The following PRKN variants were observed in gnomAD, a reference collection of about 807,000 sequenced individuals.
PRKN encodes the protein parkin RBR E3 ubiquitin protein ligase, also known as E3 ubiquitin-protein ligase parkin.
In PRKN, 56 loss-of-function variants were observed where a neutral mutation model predicts 59.5. That is an observed-to-expected ratio of 0.94 (90% CI 0.76 to 1.18). PRKN has a LOEUF of 1.18. Ranked by LOEUF, PRKN falls within the 50% of genes most tolerant of loss-of-function variation. The pLI, the probability that PRKN is intolerant of heterozygous loss-of-function variation, is 0.00. For missense variants in PRKN, 657 were observed against 596.4 expected, an observed-to-expected ratio of 1.10 and a Z score of -1.06; for synonymous variants, 250 against 222.1, an observed-to-expected ratio of 1.13 and a Z score of -1.12.
chr6:162,539,142 G>C (rs1040400470), intron 1 of PRKN, among the ~76,000 whole-genome samples: 1 of 152,136 alleles, frequency 6.6e-6, no homozygotes, highest in Non-Finnish European at 1.5e-5. Flanking sequence ...GCTTTGGCTA[G>C]AGCTGTAAAA....
At chr6:162,388,164 C>T (rs1366323825) in intron 2 of PRKN, among the ~76,000 whole-genome samples, 1 of 152,094 alleles carries the variant, frequency 6.6e-6, no homozygotes, top group African/African-American at 2.4e-5. Context: ...ACTGCAGTGG[C>T]AATGGACCAG....
At chr6:162,206,094 C>A (rs537227947) in intron 3 of PRKN, among the ~76,000 whole-genome samples, 1 of 152,050 alleles carries the variant, frequency 6.6e-6, no homozygotes, top group Admixed American at 6.6e-5. Flanking sequence ...GGGGGACTTC[C>A]GTAGTGCTAG....
rs182480540 is a variant in PRKN, at chr6:162,257,051, G to C, written c.412+5474C>G. On this transcript the variant is annotated intron_variant, in intron 3 of 11. Transcript: ENST00000366898. ...GCACGAACAAAAGCACAAGGTAGAC[G>C]GGGCCAGCCTCAGCCTGTGCTGCCC... Among the ~76,000 whole-genome samples, 22 of 152,294 alleles carry C rather than the reference G, an allele frequency of 1.4e-4. 1 individual carries two copies. The highest frequency in any genetic ancestry group is 3.9e-4 in the Admixed American group (6 of 15,292).
intron 6 of PRKN, among the ~76,000 whole-genome samples, chr6:161,939,980 C>T (rs546006631): frequency 9.9e-5 from 15 of 151,828 alleles, no homozygotes; most frequent in Admixed American, 7.9e-4. Context: ...CTCACCGCAA[C>T]CTCTGTCTCC....
chr6:162,668,955 G>C (rs1016336665), intron 1 of PRKN, among the ~76,000 whole-genome samples: 67 of 152,088 alleles, frequency 4.4e-4, no homozygotes, highest in African/African-American at 1.6e-3. Context: ...TACAATCATG[G>C]TTTCCTTCCC....
chr6:162,550,589 C>T (rs73025314), intron 1 of PRKN, among the ~76,000 whole-genome samples: 226 of 152,270 alleles, frequency 1.5e-3, no homozygotes, highest in Non-Finnish European at 2.4e-3. Flanking sequence ...TCTACAGCTA[C>T]TTGGTAAAGT....
intron 2 of PRKN, among the ~76,000 whole-genome samples, chr6:162,325,828 A>C (rs1196113525): frequency 6.6e-6 from 1 of 152,202 alleles, no homozygotes; most frequent in Non-Finnish European, 1.5e-5. Context: ...TTCTTTAGGT[A>C]AAGAGTCATA....
intron 1 of PRKN, among the ~76,000 whole-genome samples, chr6:162,589,071 A>G (rs997620275): frequency 6.6e-6 from 1 of 152,062 alleles, no homozygotes; most frequent in African/African-American, 2.4e-5. Context: ...ATGGCTCATC[A>G]ATCTTGTACT....
At chr6:162,336,176 C>T (rs73026885) in intron 2 of PRKN, among the ~76,000 whole-genome samples, 1 of 152,182 alleles carries the variant, frequency 6.6e-6, no homozygotes. Context: ...TTCCACTTAT[C>T]TAATCAGGTG....
At chr6:161,792,341 C>T (rs537796667) in intron 6 of PRKN, among the ~76,000 whole-genome samples, 1 of 152,270 alleles carries the variant, frequency 6.6e-6, no homozygotes, top group South Asian at 2.1e-4. Flanking sequence ...AATGTAGGGG[C>T]ATTTGAAAAA....
intron 1 of PRKN, among the ~76,000 whole-genome samples, chr6:162,628,052 A>C (rs1346146950): frequency 6.6e-6 from 1 of 152,114 alleles, no homozygotes; most frequent in Non-Finnish European, 1.5e-5. Context: ...ATACATAAGG[A>C]CTATAACAGT....
Position 162,041,655 on chromosome 6 carries a change from A to G in PRKN, c.618+12436T>C, listed in dbSNP as rs79004823. Among the ~76,000 whole-genome samples the G allele has an allele frequency of 2.9e-3, 437 of 152,280 alleles. 1 individual carries two copies. Among genetic ancestry groups the G allele is most frequent in the African/African-American group, 0.01 (422 of 41,564 alleles). On this transcript the variant is annotated intron_variant, in intron 5 of 11. Transcript: ENST00000366898. ...AGGTACTCCAGTTGTGATCACTGGGAAGAAAATGCGGTGAAATCAGACTAA... is the reference window on the plus strand; with the variant it reads ...AGGTACTCCAGTTGTGATCACTGGGGAGAAAATGCGGTGAAATCAGACTAA...
At chr6:161,465,674 G>A (rs575007466) in intron 9 of PRKN, among the ~76,000 whole-genome samples, 130 of 152,194 alleles carry the variant, frequency 8.5e-4, no homozygotes, top group South Asian at 3.3e-3. Context: ...CATTTTGACT[G>A]CAATTTGTTT....
At chr6:162,567,694 A>C (rs1780141649) in intron 1 of PRKN, among the ~76,000 whole-genome samples, 1 of 152,218 alleles carries the variant, frequency 6.6e-6, no homozygotes, top group African/African-American at 2.4e-5. Flanking sequence ...TACTACACAA[A>C]GCAATCTACA....
intron 5 of PRKN, among the ~76,000 whole-genome samples, chr6:162,038,584 GT>G (rs1465605727): frequency 3.3e-5 from 5 of 152,106 alleles, no homozygotes; most frequent in Non-Finnish European, 1.5e-5. Flanking sequence ...TTCAAATCAA[GT>G]TTCTCTACTG....
chr6:161,870,661 A>T (rs1432829021), intron 6 of PRKN, among the ~76,000 whole-genome samples: 4 of 152,194 alleles, frequency 2.6e-5, no homozygotes, highest in Non-Finnish European at 5.9e-5. Context: ...AGAGCTATTT[A>T]AAAATCCTGC....
intron 4 of PRKN, among the ~76,000 whole-genome samples, chr6:162,181,025 C>T (rs1469746440): frequency 6.6e-6 from 1 of 152,190 alleles, no homozygotes; most frequent in East Asian, 1.9e-4. Flanking sequence ...ATCCCTGCAA[C>T]ATTTGTAAGC....
chr6:162,186,187 T>C (rs1296660742), intron 4 of PRKN, among the ~76,000 whole-genome samples: 1 of 152,116 alleles, frequency 6.6e-6, no homozygotes, highest in Non-Finnish European at 1.5e-5. Flanking sequence ...GCTTATGTAA[T>C]AGAATATTAA....
chr6:162,403,077 A>G (rs1038250302), intron 2 of PRKN, among the ~76,000 whole-genome samples: 1 of 152,102 alleles, frequency 6.6e-6, no homozygotes, highest in African/African-American at 2.4e-5. Context: ...TCCCAGATTT[A>G]TATCTTTTCC....
Sources: gnomAD v4.1 joint callset for allele counts (sites outside exome capture counted in the v4.1 genomes callset) on GRCh38, gnomAD v4.1.1 for gene constraint, MANE v1.5 for transcripts, NCBI Gene and HGNC (gene_info 2026-07-23, HGNC 2026-07-21) for gene names.